The following ASTN2 variants were observed in gnomAD, a reference collection of about 807,000 sequenced individuals.
ASTN2 encodes the protein astrotactin-2.
ASTN2 carries 54 observed loss-of-function variants against 139.8 expected under a neutral mutation model. The observed-to-expected ratio is 0.39, with a 90% CI of 0.31 to 0.48. ASTN2 has a LOEUF of 0.48. Ranked by LOEUF, ASTN2 falls within the 20% of genes least tolerant of loss-of-function variation. ASTN2 has a pLI of 0.95. For synonymous variants in ASTN2, 756 were observed against 719.5 expected, an observed-to-expected ratio of 1.05 and a Z score of -0.81; for missense variants, 1,565 against 1,725.1, an observed-to-expected ratio of 0.91 and a Z score of 1.64.
chr9:116,708,616 G>A (rs1015528855), intron 16 of ASTN2, among the ~76,000 whole-genome samples: 2 of 152,114 alleles, frequency 1.3e-5, no homozygotes, highest in African/African-American at 4.8e-5. Context: ...AATCATAAAA[G>A]AGCTCACGAA....
chr9:116,467,662 T>C (rs1303619539), intron 20 of ASTN2, among the ~76,000 whole-genome samples: 1 of 152,256 alleles, frequency 6.6e-6, no homozygotes, highest in East Asian at 1.9e-4. Context: ...AGATACATTC[T>C]ATTTTCCTTA....
At chr9:116,439,146 T>A (rs909436089) in intron 22 of ASTN2, among the ~76,000 whole-genome samples, 11 of 151,666 alleles carry the variant, frequency 7.3e-5, no homozygotes, top group Non-Finnish European at 1.0e-4. Context: ...GGGTAGATGA[T>A]GTTGGTTTTC....
intron 3 of ASTN2, among the ~76,000 whole-genome samples, chr9:117,207,168 T>C (rs1244241102): frequency 2.0e-5 from 3 of 150,272 alleles, no homozygotes; most frequent in Non-Finnish European, 4.4e-5. Flanking sequence ...CCAAGCAGCC[T>C]TGTACTTATA....
At chr9:117,168,153 A>T (rs1173680203) in intron 3 of ASTN2, among the ~76,000 whole-genome samples, 6 of 152,028 alleles carry the variant, frequency 3.9e-5, no homozygotes, top group Non-Finnish European at 7.4e-5. Context: ...AGGAACTAAG[A>T]AGCTGGTGGG....
intron 5 of ASTN2, among the ~76,000 whole-genome samples, chr9:117,060,654 G>A (rs1839262534): frequency 6.6e-6 from 1 of 151,910 alleles, no homozygotes; most frequent in Non-Finnish European, 1.5e-5. Flanking sequence ...AGCACTTTGG[G>A]AGGCTGAGGT....
At chr9:117,237,218 C>T (rs1833071389) in intron 2 of ASTN2, among the ~76,000 whole-genome samples, 1 of 152,056 alleles carries the variant, frequency 6.6e-6, no homozygotes, top group South Asian at 2.1e-4. Flanking sequence ...TACTTTTGCA[C>T]CAACCTAATA....
At chr9:116,764,400 G>T (rs1056642888) in intron 13 of ASTN2, among the ~76,000 whole-genome samples, 1 of 152,146 alleles carries the variant, frequency 6.6e-6, no homozygotes, top group African/African-American at 2.4e-5. Context: ...GTTGGCTGAA[G>T]TTGTCATTGA....
At chr9:116,898,751 C>G (rs1422099673) in intron 10 of ASTN2, among the ~76,000 whole-genome samples, 1 of 152,202 alleles carries the variant, frequency 6.6e-6, no homozygotes. Context: ...CTCACTGCAG[C>G]GTTGATCTCC....
chr9:116,620,380 A>G lies in ASTN2; in HGVS notation c.3136T>C (p.Trp1046Arg). Residue 1046 changes from tryptophan (W) to arginine (R), a missense_variant, in exon 18 of 23, where the codon TGG (tryptophan) becomes CGG (arginine). Around this residue, in one of 4 missense-constraint regions of ASTN2, gnomAD observed 418 missense variants for 465.8 expected, o/e 0.90. Coordinates refer to ENST00000313400, the MANE Select transcript of ASTN2 (RefSeq NM_001365068.1). ...CSGKGDVIDD[W>R]CRCDLSAFDA... is the part of the protein sequence containing the mutation. ...AAGGCGCTGAGGTCACACCTGCACCAGTCATCGATCACATCCCCTTTCCCT... is the reference window on the plus strand; with the variant it reads ...AAGGCGCTGAGGTCACACCTGCACCGGTCATCGATCACATCCCCTTTCCCT... 6.2e-7 allele frequency: 1 copy of G among 1,614,194 alleles called. No individual in the cohort carries two copies. The highest frequency in any genetic ancestry group is 1.7e-5 in the Admixed American group (1 of 60,020).
chr9:117,231,437 G>A (rs1448109433), intron 2 of ASTN2, among the ~76,000 whole-genome samples: 1 of 152,174 alleles, frequency 6.6e-6, no homozygotes, highest in East Asian at 1.9e-4. Flanking sequence ...TACTCTATTG[G>A]TTTTGTGGCT....
At chr9:117,201,591 T>C (rs1457675212) in intron 3 of ASTN2, among the ~76,000 whole-genome samples, 2 of 152,204 alleles carry the variant, frequency 1.3e-5, no homozygotes, top group African/African-American at 4.8e-5. Flanking sequence ...TTAATTTCAT[T>C]ATTTATCCAG....
chr9:116,467,963 GT>G (rs1564297125), intron 20 of ASTN2, among the ~76,000 whole-genome samples: 1 of 152,154 alleles, frequency 6.6e-6, no homozygotes, highest in Non-Finnish European at 1.5e-5. Flanking sequence ...GCCACACAAC[GT>G]TGGCTAGGTC....
At chr9:116,503,666 T>C (rs887449936) in intron 19 of ASTN2, among the ~76,000 whole-genome samples, 2 of 152,144 alleles carry the variant, frequency 1.3e-5, no homozygotes, top group Admixed American at 1.3e-4. Flanking sequence ...ATATACTATA[T>C]ATACACACAT....
At chr9:116,975,674 C>T (rs1421122792) in intron 9 of ASTN2, among the ~76,000 whole-genome samples, 1 of 152,202 alleles carries the variant, frequency 6.6e-6, no homozygotes, top group African/African-American at 2.4e-5. Flanking sequence ...ACTGCTATGT[C>T]AGCAGGGACA....
chr9:116,531,950 C>T (rs1202991838), intron 19 of ASTN2, among the ~76,000 whole-genome samples: 1 of 152,184 alleles, frequency 6.6e-6, no homozygotes, highest in Non-Finnish European at 1.5e-5. Context: ...CACTGTCTTC[C>T]ACAATGGTTC....
intron 3 of ASTN2, among the ~76,000 whole-genome samples, chr9:117,199,512 T>C (rs1223400289): frequency 6.6e-6 from 1 of 152,208 alleles, no homozygotes; most frequent in African/African-American, 2.4e-5. Context: ...CCACGCTGTT[T>C]TGGTTGCTGT....
chr9:116,465,684 T>A (rs1023776716), intron 20 of ASTN2, among the ~76,000 whole-genome samples: 1 of 152,164 alleles, frequency 6.6e-6, no homozygotes, highest in Non-Finnish European at 1.5e-5. Context: ...TGCTTACATA[T>A]GAAACTAAGG....
chr9:117,051,656 A>G (rs1262270433), intron 5 of ASTN2, among the ~76,000 whole-genome samples: 1 of 152,192 alleles, frequency 6.6e-6, no homozygotes, highest in Non-Finnish European at 1.5e-5. Context: ...TTTTATTTCA[A>G]AGACAGATTC....
chr9:116,867,305 CAGG>C (rs1261636818), intron 10 of ASTN2, among the ~76,000 whole-genome samples: 4 of 151,676 alleles, frequency 2.6e-5, no homozygotes, highest in Non-Finnish European at 5.9e-5. Context: ...GAAAAGAGAG[CAGG>C]AGGAGACAAA....
Sources: allele counts gnomAD v4.1 joint callset (sites outside exome capture counted in the v4.1 genomes callset), GRCh38; gene constraint gnomAD v4.1.1; regional missense constraint gnomAD v4.1.1; transcripts MANE v1.5; gene names NCBI Gene and HGNC (gene_info 2026-07-23, HGNC 2026-07-21).